The following B3GALT1 variants were observed in gnomAD, a reference collection of about 807,000 sequenced individuals.
B3GALT1 encodes UDP-Gal:betaGlcNAc beta 1,3-galactosyltransferase, polypeptide 1.
In B3GALT1, 10 loss-of-function variants were observed where a neutral mutation model predicts 23.2. The ratio of observed to expected loss-of-function variants is 0.43; its 90% CI spans 0.27 to 0.73. B3GALT1 has a LOEUF of 0.73. Ranked by LOEUF, B3GALT1 falls within the 30% of genes least tolerant of loss-of-function variation. The probability of loss-of-function intolerance (pLI) is 0.21; values close to 1 mark genes in which losing one functional copy is unlikely to be tolerated. For missense variants in B3GALT1, 299 were observed against 405.4 expected (o/e 0.74, Z 2.25); for synonymous variants, 156 against 141.5 (o/e 1.10, Z -0.73).
At chr2:167,817,293 T>C (rs1438201005) in intron 3 of B3GALT1, among the ~76,000 whole-genome samples, 14 of 152,186 alleles carry the variant, frequency 9.2e-5, no homozygotes, top group Admixed American at 8.5e-4. Context: ...TGACAGATAA[T>C]ACGTATAAGT....
Position 167,389,592 on chromosome 2 carries a change from C to T in B3GALT1, c.-511+96258C>T, listed in dbSNP as rs745817728. The stretch of plus-strand genomic sequence containing the variant: ...GGAATATCCAGTTCCATGAACAGGC[C>T]TCCGAAATGGGGAATTTTAGGTGAT... On this transcript the variant is annotated intron_variant, in intron 1 of 4. Coordinates refer to ENST00000392690, the MANE Select transcript of B3GALT1 (RefSeq NM_020981.4). 2.6e-5 allele frequency among the ~76,000 whole-genome samples: 4 copies of T among 152,182 alleles called. No homozygotes were observed. In the South Asian group the frequency reaches 8.3e-4, roughly 32 times the overall value.
At chr2:167,450,550 T>A (rs1699072782) in intron 1 of B3GALT1, among the ~76,000 whole-genome samples, 1 of 152,216 alleles carries the variant, frequency 6.6e-6, no homozygotes, top group Admixed American at 6.5e-5. Flanking sequence ...GTAGTGTTTC[T>A]GCTGAGAAAT....
At chr2:167,510,776 T>C (rs1221129792) in intron 2 of B3GALT1, among the ~76,000 whole-genome samples, 1 of 152,126 alleles carries the variant, frequency 6.6e-6, no homozygotes, top group Admixed American at 6.5e-5. Flanking sequence ...ACAGTTTAAA[T>C]TTGAGATGCA....
intron 4 of B3GALT1, among the ~76,000 whole-genome samples, chr2:167,845,867 TGA>T (rs1559000889): frequency 6.7e-6 from 1 of 149,872 alleles, no homozygotes; most frequent in Non-Finnish European, 1.5e-5. Context: ...ATAAAAGAAG[TGA>T]GAGGAGAAAT....
intron 1 of B3GALT1, among the ~76,000 whole-genome samples, chr2:167,405,369 G>A (rs148055356): frequency 6.6e-6 from 1 of 152,088 alleles, no homozygotes; most frequent in East Asian, 1.9e-4. Context: ...AATGTTTAAA[G>A]GATATTGAAC....
At chr2:167,786,585 A>G (rs1320960147) in intron 3 of B3GALT1, among the ~76,000 whole-genome samples, 1 of 152,252 alleles carries the variant, frequency 6.6e-6, no homozygotes, top group Admixed American at 6.5e-5. Context: ...TGTAATCAAT[A>G]TAACCCACTG....
chr2:167,820,508 C>T (rs1436665254), intron 4 of B3GALT1, among the ~76,000 whole-genome samples: 1 of 152,186 alleles, frequency 6.6e-6, no homozygotes, highest in African/African-American at 2.4e-5. Context: ...CTCCCTTCCC[C>T]TGTGACATTC....
chr2:167,672,982 G>C (rs895347637), intron 3 of B3GALT1, among the ~76,000 whole-genome samples: 1 of 150,798 alleles, frequency 6.6e-6, no homozygotes, highest in Non-Finnish European at 1.5e-5. Context: ...GAGAGAGACT[G>C]TGTGTGTGTG....
rs28562247 is a variant in B3GALT1, at chr2:167,320,153, T to C, written c.-511+26819T>C. On this transcript the variant is annotated intron_variant, in intron 1 of 4. Coordinates refer to ENST00000392690, the MANE Select transcript of B3GALT1 (RefSeq NM_020981.4). ...ATGAATTTATTAAGTGTTTCTCCCT[T>C]TATGCAATTCAACATCCTGAGCTCC... Among the ~76,000 whole-genome samples the C allele has an allele frequency of 1.6e-3, 245 of 151,934 alleles. 11 individuals are homozygous for C. In the East Asian group the frequency reaches 0.045, roughly 28 times the overall value.
chr2:167,668,909 C>T (rs1236897970), intron 3 of B3GALT1, among the ~76,000 whole-genome samples: 1 of 152,210 alleles, frequency 6.6e-6, no homozygotes, highest in Admixed American at 6.5e-5. Flanking sequence ...CACCCGTCTT[C>T]TGCGTCGCTC....
At chr2:167,852,564 C>T (rs577955740) in intron 4 of B3GALT1, among the ~76,000 whole-genome samples, 7 of 151,190 alleles carry the variant, frequency 4.6e-5, no homozygotes, top group Non-Finnish European at 7.4e-5. Context: ...TTTATTTTAT[C>T]GGAAAATTTA....
chr2:167,669,081 C>T (rs116776131), intron 3 of B3GALT1, among the ~76,000 whole-genome samples: 2,535 of 152,170 alleles, frequency 0.017, 65 homozygotes, highest in African/African-American at 0.057. Context: ...TTATTTTTTC[C>T]GCAAAACATG....
chr2:167,591,767 C>G (rs1684686550), intron 2 of B3GALT1, among the ~76,000 whole-genome samples: 1 of 152,116 alleles, frequency 6.6e-6, no homozygotes. Flanking sequence ...GCCACTGCAC[C>G]TGGCCTGACC....
chr2:167,342,870 T>G (rs1291492196), intron 1 of B3GALT1, among the ~76,000 whole-genome samples: 1 of 152,184 alleles, frequency 6.6e-6, no homozygotes, highest in African/African-American at 2.4e-5. Flanking sequence ...TGATATCTTT[T>G]ATTCTCAAAA....
chr2:167,523,167 T>A (rs1683132322), intron 2 of B3GALT1, among the ~76,000 whole-genome samples: 1 of 152,180 alleles, frequency 6.6e-6, no homozygotes, highest in African/African-American at 2.4e-5. Context: ...CACAATTCCA[T>A]GCAGTTAAAA....
At chr2:167,827,270 A>C (rs1413093138) in intron 4 of B3GALT1, among the ~76,000 whole-genome samples, 1 of 152,242 alleles carries the variant, frequency 6.6e-6, no homozygotes, top group Non-Finnish European at 1.5e-5. Context: ...GTTGGGGTAC[A>C]AAGAACAAGA....
intron 1 of B3GALT1, among the ~76,000 whole-genome samples, chr2:167,467,568 G>A (rs1699367474): frequency 6.6e-6 from 1 of 152,192 alleles, no homozygotes; most frequent in African/African-American, 2.4e-5. Context: ...TGGCAGAGTT[G>A]TGTTCCTTGT....
rs530401228 is a variant in B3GALT1, at chr2:167,809,789, G to T, written c.-351-8883G>T. The stretch of plus-strand genomic sequence containing the variant: ...TCAGATGTCCAGCTGCCTGCTGGGA[G>T]AACCACTACTCTCTTCAAGGCTGTC... On this transcript the variant is annotated intron_variant, in intron 3 of 4. Transcript: ENST00000392690. 1.3e-4 allele frequency among the ~76,000 whole-genome samples: 20 copies of T among 152,154 alleles called. No individual in the cohort carries two copies. The East Asian group carries it at 3.8e-3, about 29-fold the overall frequency.
intron 2 of B3GALT1, among the ~76,000 whole-genome samples, chr2:167,518,410 C>T (rs1053106180): frequency 2.0e-5 from 3 of 151,812 alleles, no homozygotes; most frequent in African/African-American, 7.2e-5. Context: ...TGAAGTCTTA[C>T]AAGAAATAAA....
Sources: gnomAD v4.1 joint callset for allele counts (sites outside exome capture counted in the v4.1 genomes callset) on GRCh38, gnomAD v4.1.1 for gene constraint, MANE v1.5 for transcripts, NCBI Gene and HGNC (gene_info 2026-07-23, HGNC 2026-07-21) for gene names.